SGCZ: variants seen among roughly 807,000 people sequenced by gnomAD.
The protein encoded by SGCZ is zeta-sarcoglycan.
In SGCZ, 40 loss-of-function variants were observed where a neutral mutation model predicts 41.3. The observed-to-expected ratio is 0.97, with a 90% CI of 0.75 to 1.26. The LOEUF (loss-of-function observed/expected upper bound fraction) is 1.26, where lower values mean the gene tolerates loss of function less well. Among genes scored for constraint, SGCZ ranks in the 50% most tolerant of loss-of-function variants. The pLI, the probability that SGCZ is intolerant of heterozygous loss-of-function variation, is 0.00. For synonymous variants in SGCZ, 206 were observed against 137.5 expected, an observed-to-expected ratio of 1.50 and a Z score of -3.49; for missense variants, 552 against 369.8, an observed-to-expected ratio of 1.49 and a Z score of -4.04.
At chr8:14,663,405 A>G (rs1343187882) in intron 1 of SGCZ, among the ~76,000 whole-genome samples, 1 of 152,166 alleles carries the variant, frequency 6.6e-6, no homozygotes, top group East Asian at 1.9e-4. Flanking sequence ...TCACCTATAG[A>G]TGTATGCAAC....
chr8:14,801,092 G>A (rs889623698), intron 1 of SGCZ, among the ~76,000 whole-genome samples: 1 of 152,198 alleles, frequency 6.6e-6, no homozygotes, highest in Non-Finnish European at 1.5e-5. Context: ...TTGAAGAAAA[G>A]TGACCATTCC....
chr8:15,047,266 A>T (rs962544069), intron 1 of SGCZ, among the ~76,000 whole-genome samples: 1 of 152,092 alleles, frequency 6.6e-6, no homozygotes, highest in African/African-American at 2.4e-5. Flanking sequence ...AAAGTTTGAC[A>T]AAAGGATATA....
chr8:15,111,350 G>A (rs1265048623), intron 1 of SGCZ, among the ~76,000 whole-genome samples: 1 of 152,164 alleles, frequency 6.6e-6, no homozygotes. Flanking sequence ...AAGAGGGAAA[G>A]TGCCTCGGAT....
chr8:14,517,450 C>T (rs746411423), intron 2 of SGCZ, among the ~76,000 whole-genome samples: 1 of 151,932 alleles, frequency 6.6e-6, no homozygotes, highest in Non-Finnish European at 1.5e-5. Context: ...CTTTGTGAAC[C>T]TAGAATAATT....
intron 1 of SGCZ, among the ~76,000 whole-genome samples, chr8:14,847,765 G>C (rs748532945): frequency 5.5e-4 from 69 of 125,940 alleles, no homozygotes; most frequent in Non-Finnish European, 9.1e-4. Context: ...GAGGGGAGCC[G>C]CAGCTAACAT....
At chr8:14,666,736 G>T (rs563130354) in intron 1 of SGCZ, among the ~76,000 whole-genome samples, 1 of 149,610 alleles carries the variant, frequency 6.7e-6, no homozygotes, top group South Asian at 2.1e-4. Context: ...TGAAAAACAT[G>T]ACAACAAAAC....
intron 1 of SGCZ, among the ~76,000 whole-genome samples, chr8:15,097,909 TAC>T (rs1204511068): frequency 1.8e-5 from 2 of 109,324 alleles, no homozygotes; most frequent in Non-Finnish European, 3.8e-5. Flanking sequence ...TATATATATA[TAC>T]GTGTGTATAT....
At chr8:14,977,107 A>G (rs1801502971) in intron 1 of SGCZ, among the ~76,000 whole-genome samples, 1 of 152,216 alleles carries the variant, frequency 6.6e-6, no homozygotes, top group Non-Finnish European at 1.5e-5. Flanking sequence ...CACGGAAAGT[A>G]TTTATTCACC....
intron 2 of SGCZ, among the ~76,000 whole-genome samples, chr8:14,435,419 G>A (rs1800060876): frequency 6.6e-6 from 1 of 152,074 alleles, no homozygotes; most frequent in Non-Finnish European, 1.5e-5. Context: ...CATAGCATTA[G>A]TTTTAATTGT....
At chr8:14,158,470 C>T (rs1407940421) in intron 5 of SGCZ, among the ~76,000 whole-genome samples, 1 of 152,108 alleles carries the variant, frequency 6.6e-6, no homozygotes, top group Admixed American at 6.5e-5. Context: ...TAGTCTGCCT[C>T]TCCCAGTCCA....
At chr8:14,950,498 C>T (rs1800597508) in intron 1 of SGCZ, among the ~76,000 whole-genome samples, 1 of 151,990 alleles carries the variant, frequency 6.6e-6, no homozygotes, top group South Asian at 2.1e-4. Context: ...CACTGAATAT[C>T]TTTAACTGTT....
chr8:14,932,844 C>G (rs1324380835), intron 1 of SGCZ, among the ~76,000 whole-genome samples: 2 of 151,992 alleles, frequency 1.3e-5, no homozygotes, highest in African/African-American at 2.4e-5. Flanking sequence ...GAAAAAATGT[C>G]AAAGTCCAAA....
chr8:14,389,500 A>G lies in SGCZ; in HGVS notation c.235-65296T>C, dbSNP rs1303865201. Among the ~76,000 whole-genome samples the G allele has an allele frequency of 2.0e-5, 3 of 151,798 alleles. 1 individual carries two copies. Among genetic ancestry groups the G allele is most frequent in the African/African-American group, 7.2e-5 (3 of 41,494 alleles). On this transcript the variant is annotated intron_variant, in intron 2 of 7. Transcript: ENST00000382080. ...GGAAAAAAAAAAAAAATAGGCTAACAAAAGTCATGATAATCACAAACAAAA... is the reference window on the plus strand; with the variant it reads ...GGAAAAAAAAAAAAAATAGGCTAACGAAAGTCATGATAATCACAAACAAAA...
At chr8:14,341,483 G>A (rs955509997) in intron 2 of SGCZ, among the ~76,000 whole-genome samples, 1 of 152,068 alleles carries the variant, frequency 6.6e-6, no homozygotes, top group African/African-American at 2.4e-5. Context: ...TGGGTGTGAA[G>A]TGGGGTAACA....
chr8:14,853,079 T>C (rs1426289581), intron 1 of SGCZ, among the ~76,000 whole-genome samples: 1 of 152,208 alleles, frequency 6.6e-6, no homozygotes, highest in Non-Finnish European at 1.5e-5. Flanking sequence ...ATGTGTGCAT[T>C]ATAGCAGCAT....
rs549448649 is a variant in SGCZ at position 15,031,464 on chromosome 8, G to A, written c.39+206121C>T. ...GGGAAACAAAATCCATACTATCAAT[G>A]ATAGCTAACATTTATTAAGCACTTA... On this transcript the variant is annotated intron_variant, in intron 1 of 7. Transcript: ENST00000382080. Among the ~76,000 whole-genome samples the A allele has an allele frequency of 2.6e-5, 4 of 152,274 alleles. No homozygotes were observed. In the South Asian group the frequency reaches 8.3e-4, roughly 32 times the overall value.
At chr8:14,420,152 A>C (rs1008581936) in intron 2 of SGCZ, among the ~76,000 whole-genome samples, 1 of 151,988 alleles carries the variant, frequency 6.6e-6, no homozygotes, top group Non-Finnish European at 1.5e-5. Flanking sequence ...CTTGTCCTAT[A>C]ATAATTCTAT....
rs1563123852 is a variant in SGCZ, at chr8:15,097,818, G to GTGTATATATATA, written c.39+139766_39+139767insTATATATATACA. ...TATACGTGTATATATATATATACGT[G>GTGTATATATATA]TGTGTATATATATATACGTGTGTGT... On this transcript the variant is annotated intron_variant, in intron 1 of 7. Coordinates refer to ENST00000382080, the MANE Select transcript of SGCZ (RefSeq NM_139167.4). 2.1e-4 allele frequency among the ~76,000 whole-genome samples: 8 copies of GTGTATATATATA among 37,606 alleles called. 1 individual carries two copies. The highest frequency in any genetic ancestry group is 6.4e-4 in the African/African-American group (8 of 12,410). The allele number at this position is 37,606 out of a possible 152,430, so 24.7% of individuals were successfully genotyped here.
intron 1 of SGCZ, among the ~76,000 whole-genome samples, chr8:15,061,413 A>G (rs1804924635): frequency 6.6e-6 from 1 of 151,986 alleles, no homozygotes; most frequent in African/African-American, 2.4e-5. Flanking sequence ...GGATAGCACT[A>G]GGAGAAATAC....
Sources: allele counts gnomAD v4.1 joint callset (sites outside exome capture counted in the v4.1 genomes callset), GRCh38; gene constraint gnomAD v4.1.1; transcripts MANE v1.5; gene names NCBI Gene and HGNC (gene_info 2026-07-23, HGNC 2026-07-21).